BMS1: variants seen among roughly 807,000 people sequenced by gnomAD.
BMS1 encodes BMS1 ribosome biogenesis factor.
In BMS1, 53 loss-of-function variants were observed where a neutral mutation model predicts 138.7. The ratio of observed to expected loss-of-function variants is 0.38; its 90% CI spans 0.31 to 0.48. The LOEUF is 0.48. BMS1 is among the 20% of genes least tolerant of loss of function. The pLI, the probability that BMS1 is intolerant of heterozygous loss-of-function variation, is 0.97. For missense variants in BMS1, 1,360 were observed against 1,565.5 expected (o/e 0.87, Z 2.22); for synonymous variants, 504 against 539.9 (o/e 0.93, Z 0.92).
chr10:42,810,216 TTTTCC>T (rs1208194909), intron 13 of BMS1, among the ~76,000 whole-genome samples: 1 of 152,190 alleles, frequency 6.6e-6, no homozygotes, highest in Admixed American at 6.5e-5. Flanking sequence ...TTGTTTTGTT[TTTTCC>T]TTTCATGTCA....
At chr10:42,803,256 A>T (rs2132333515) in intron 13 of BMS1, among the ~76,000 whole-genome samples, 1 of 152,274 alleles carries the variant, frequency 6.6e-6, no homozygotes, top group East Asian at 1.9e-4. Context: ...CTCCTGCCTC[A>T]GCCTCCTGAG....
intron 13 of BMS1, among the ~76,000 whole-genome samples, chr10:42,813,509 T>TG (rs925964965): frequency 5.9e-5 from 9 of 152,172 alleles, no homozygotes; most frequent in African/African-American, 1.9e-4. Flanking sequence ...AAACCTGCCT[T>TG]GCATTTATGT....
chr10:42,817,463 A>C lies in BMS1; in HGVS notation c.2549A>C (p.Asp850Ala). 1 of 1,602,198 alleles carries C rather than the reference A, an allele frequency of 6.2e-7. No homozygotes were observed. The highest frequency in any genetic ancestry group is 8.5e-7 in the Non-Finnish European group (1 of 1,177,740). ...YDEGESTYFD[D>A]LKGEMQKQAQ... Reference sequence around the variant, plus strand: ...GAAGGAGAAAGCACATATTTTGATGATCTTAAAGGAGAAATGCAGAAACAA... The same window carrying C: ...GAAGGAGAAAGCACATATTTTGATGCTCTTAAAGGAGAAATGCAGAAACAA... The change falls in exon 15 of 23, where the codon GAT (aspartate) becomes GCT (alanine). Residue 850 changes from aspartate to alanine, a missense_variant. Around this residue, in one of 3 missense-constraint regions of BMS1, gnomAD observed 425 missense variants for 568.3 expected, o/e 0.75. Coordinates refer to ENST00000374518, the MANE Select transcript of BMS1 (RefSeq NM_014753.4).
chr10:42,788,375 C>G (rs1188061026), intron 4 of BMS1, among the ~76,000 whole-genome samples: 1 of 151,858 alleles, frequency 6.6e-6, no homozygotes, highest in East Asian at 1.9e-4. Flanking sequence ...ATTATGGATA[C>G]ATAATAGTTA....
At position 42,790,506 on chromosome 10, in the gene BMS1, T is replaced by C. The variant is rs202106465; in HGVS notation, c.631T>C (p.Tyr211His). 45 of 1,613,638 alleles carry C rather than the reference T, an allele frequency of 2.8e-5. No homozygotes were observed. The highest frequency in any genetic ancestry group is 1.5e-4 in the Admixed American group (9 of 59,978). The part of the protein sequence containing the change: ...RLKHRFWTEV[Y>H]PGAKLFYLSG... The stretch of plus-strand genomic sequence containing the variant: ...AAAACACAGGTTCTGGACGGAAGTT[T>C]ACCCGGTACGAAGAGAAATAATTGT... The change falls in exon 5 of 23, where the codon TAC (tyrosine) becomes CAC (histidine). Residue 211 changes from tyrosine to histidine, a missense_variant. Coordinates refer to ENST00000374518, the MANE Select transcript of BMS1 (RefSeq NM_014753.4).
intron 7 of BMS1, 56 bp from the exon 8 acceptor site, chr10:42,792,901 G>C (rs1841554649): frequency 1.3e-6 from 2 of 1,554,234 alleles, no homozygotes; most frequent in Admixed American, 3.7e-5. Flanking sequence ...CTAGTCAATG[G>C]TAGATGCTTC....
intron 21 of BMS1, among the ~76,000 whole-genome samples, chr10:42,829,827 AC>A (rs1224043970): frequency 3.5e-4 from 43 of 123,264 alleles, no homozygotes; most frequent in African/African-American, 1.4e-3. Flanking sequence ...TCTCAAAAAA[AC>A]AAAACAAAAC....
chr10:42,784,305 T>C, intron 1 of BMS1, 57 bp from the exon 2 acceptor site: 1 of 1,191,620 alleles, frequency 8.4e-7, no homozygotes, highest in South Asian at 1.7e-5. Flanking sequence ...TCCCTGGGTA[T>C]TGCCTGGATT....
chr10:42,795,792 G>A (rs1287710653), intron 9 of BMS1, among the ~76,000 whole-genome samples: 1 of 152,072 alleles, frequency 6.6e-6, no homozygotes, highest in Non-Finnish European at 1.5e-5. Context: ...TATAGCACTG[G>A]TGACTTAAAA....
At chr10:42,797,365 CAAGG>C (rs1841722260) in intron 10 of BMS1, 53 bp from the exon 11 acceptor site, 1 of 1,598,570 alleles carries the variant, frequency 6.3e-7, no homozygotes, top group African/African-American at 1.3e-5. Context: ...GGATGGATCT[CAAGG>C]GAGGGGAGAC....
In BMS1 at chr10:42,785,661, C is replaced by T. The variant is rs1363195094; in HGVS notation, c.356C>T (p.Thr119Met). ...TTGACTGAGATCAGAGGCCCTGTGACGATTGTGTCAGGTAGGAGATGCCAC... is the reference window on the plus strand; with the variant it reads ...TTGACTGAGATCAGAGGCCCTGTGATGATTGTGTCAGGTAGGAGATGCCAC... ...QKLTEIRGPVTIVSGKKRRLT... is the reference protein window; with the variant it reads ...QKLTEIRGPVMIVSGKKRRLT... Residue 119 changes from threonine (T) to methionine (M), a missense_variant, in exon 3 of 23, where the codon ACG (threonine) becomes ATG (methionine). Thr to Met is a moderately conservative substitution (Grantham distance 81). Coordinates refer to ENST00000374518, the MANE Select transcript of BMS1 (RefSeq NM_014753.4). 3.1e-6 allele frequency: 5 copies of T among 1,613,394 alleles called. No individual in the cohort carries two copies. Among genetic ancestry groups the T allele is most frequent in the Admixed American group, 1.7e-5 (1 of 59,974 alleles).
Position 42,817,473 on chromosome 10 carries a change from A to G in BMS1, c.2559A>G (p.Gly853=). 6.2e-7 allele frequency: 1 copy of G among 1,602,512 alleles called. No individual in the cohort carries two copies. Among genetic ancestry groups the G allele is most frequent in the Non-Finnish European group, 8.5e-7 (1 of 1,177,766 alleles). Residue 853 remains glycine (G), a synonymous_variant, in exon 15 of 23, where the codon GGA becomes GGG. Coordinates refer to ENST00000374518, the MANE Select transcript of BMS1 (RefSeq NM_014753.4). ...GESTYFDDLK[G]EMQKQAQLNR... is the part of the protein sequence containing the mutation. ...GCACATATTTTGATGATCTTAAAGG[A>G]GAAATGCAGAAACAAGCACAGGTGA...
intron 6 of BMS1, 96 bp from the exon 7 acceptor site, chr10:42,792,397 C>CA: frequency 6.7e-7 from 1 of 1,494,712 alleles, no homozygotes; most frequent in South Asian, 1.3e-5. Flanking sequence ...AAATGACGTG[C>CA]TTAATGGACA....
At chr10:42,819,370 A>C (rs1215204938) in intron 15 of BMS1, among the ~76,000 whole-genome samples, 1 of 152,238 alleles carries the variant, frequency 6.6e-6, no homozygotes, top group African/African-American at 2.4e-5. Flanking sequence ...GACCACTTCC[A>C]GTGTGACTAG....
rs773644657 is a variant in BMS1, at chr10:42,816,661, C to T, written c.2392C>T (p.Pro798Ser). 6.2e-7 allele frequency: 1 copy of T among 1,611,252 alleles called. No individual in the cohort carries two copies. The highest frequency in any genetic ancestry group is 1.7e-5 in the Admixed American group (1 of 59,884). Residue 798 changes from proline (P) to serine (S), a missense_variant, in exon 14 of 23, where the codon CCC becomes TCC. Pro to Ser is a moderately conservative substitution (Grantham distance 74). Around this residue, in one of 3 missense-constraint regions of BMS1, gnomAD observed 697 missense variants for 686.2 expected, o/e 1.02. Transcript: ENST00000374518. ...TGDVHKGKSG[P>S]NTQNEDIEKE... ...GGACGTGCACAAGGGAAAATCAGGC[C>T]CCAATACTCAGGTATGACTTTGTCG...
chr10:42,798,691 G>T, intron 12 of BMS1, 66 bp downstream of exon 12: 1 of 1,582,792 alleles, frequency 6.3e-7, no homozygotes, highest in East Asian at 2.3e-5. Context: ...AAGATTATCT[G>T]ATGTCAATAT....
At position 42,812,923 on chromosome 10, in the gene BMS1, C is replaced by T. The variant is rs571990586; in HGVS notation, c.2330-3676C>T. 8.1e-4 allele frequency among the ~76,000 whole-genome samples: 123 copies of T among 152,188 alleles called. 1 individual carries two copies. Among genetic ancestry groups the T allele is most frequent in the Non-Finnish European group, 1.1e-3 (76 of 68,016 alleles). On this transcript the variant is annotated intron_variant, in intron 13 of 22. Transcript: ENST00000374518. The stretch of plus-strand genomic sequence containing the variant: ...GTGGGGAGCCTTTGCTGCTGGGTGG[C>T]GGGGTAGGGGGTGTCTGGTAGAAAC...
At chr10:42,826,537 C>T (rs796287313) in intron 21 of BMS1, among the ~76,000 whole-genome samples, 73 of 152,036 alleles carry the variant, frequency 4.8e-4, no homozygotes, top group Non-Finnish European at 8.5e-4. Flanking sequence ...CTTGGGCCCT[C>T]GGGGGCAGGG....
chr10:42,798,359 G>A (rs1841759115), intron 11 of BMS1, 109 bp from the exon 12 acceptor site: 1 of 1,360,852 alleles, frequency 7.3e-7, no homozygotes, highest in Non-Finnish European at 1.0e-6. Context: ...CACAGACAGA[G>A]TCCCTCAGTT....
Sources: allele counts gnomAD v4.1 joint callset (sites outside exome capture counted in the v4.1 genomes callset), GRCh38; gene constraint gnomAD v4.1.1; regional missense constraint gnomAD v4.1.1; transcripts MANE v1.5; gene names NCBI Gene and HGNC (gene_info 2026-07-23, HGNC 2026-07-21).